Variants in ABCC1 observed in about 807,000 individuals in gnomAD.
The protein encoded by ABCC1 is ATP binding cassette subfamily C member 1 (ABCC1 blood group).
A neutral mutation model predicts 172.9 loss-of-function variants in ABCC1; 83 were observed. The observed-to-expected ratio is 0.48, with a 90% confidence interval of 0.40 to 0.58. The LOEUF (loss-of-function observed/expected upper bound fraction) is 0.58. ABCC1 is among the 20% of genes least tolerant of loss of function. The probability of loss-of-function intolerance (pLI) is 0.00; values close to 1 mark genes in which losing one functional copy is unlikely to be tolerated. For missense variants in ABCC1, 1,817 were observed against 2,002.7 expected (o/e 0.91, Z 1.77); for synonymous variants, 937 against 825.2 (o/e 1.14, Z -2.32).
chr16:15,989,424 T>C (rs1279701959), intron 1 of ABCC1, among the ~76,000 whole-genome samples: 1 of 152,158 alleles, frequency 6.6e-6, no homozygotes, highest in African/African-American at 2.4e-5. Flanking sequence ...TCCAGATGTT[T>C]TCAGGAGTGC....
At chr16:16,038,553 C>G (rs994729737) in intron 7 of ABCC1, among the ~76,000 whole-genome samples, 2 of 152,104 alleles carry the variant, frequency 1.3e-5, no homozygotes, top group East Asian at 3.9e-4. Context: ...GCGGTGCCAC[C>G]CACATGGGGC....
chr16:15,987,908 C>G (rs575146092), intron 1 of ABCC1, among the ~76,000 whole-genome samples: 1 of 152,208 alleles, frequency 6.6e-6, no homozygotes, highest in South Asian at 2.1e-4. Context: ...TGTGCCCTTC[C>G]TCCAGATGGC....
chr16:16,136,342 A>G, intron 28 of ABCC1, 136 bp from the exon 29 acceptor site: 1 of 984,532 alleles, frequency 1.0e-6, no homozygotes, highest in Non-Finnish European at 1.5e-6. Flanking sequence ...CATTATTAAC[A>G]TCTCCAGAAA....
At chr16:16,110,952 G>A (rs181094377) in intron 21 of ABCC1, among the ~76,000 whole-genome samples, 90 of 152,290 alleles carry the variant, frequency 5.9e-4, no homozygotes, top group Middle Eastern at 6.8e-3. Flanking sequence ...CCAGGCTGGA[G>A]TGCAGTGGGG....
At chr16:15,958,442 C>G (rs184559822) in intron 1 of ABCC1, among the ~76,000 whole-genome samples, 22 of 152,226 alleles carry the variant, frequency 1.4e-4, no homozygotes, top group Admixed American at 3.9e-4. Flanking sequence ...TTCCTCACAC[C>G]TGGTCTGCTT....
rs907741900 is a variant in ABCC1 at position 16,102,644 on chromosome 16, G to A, written c.2662G>A (p.Gly888Ser). 17 of 1,585,728 alleles carry A rather than the reference G, an allele frequency of 1.1e-5. No individual in the cohort carries two copies. The highest frequency in any genetic ancestry group is 6.9e-5 in the East Asian group (3 of 43,754). The change falls in exon 20 of 31, where the codon GGT (glycine) becomes AGT (serine). Residue 888 changes from glycine (G) to serine (S), a missense_variant. Physicochemically the swap from Gly to Ser is moderately conservative, Grantham distance 56. Coordinates refer to ENST00000399410, the MANE Select transcript of ABCC1 (RefSeq NM_004996.4). ...AEENGVTGVSGPGKEAKQMEN... is the reference protein window; with the variant it reads ...AEENGVTGVSSPGKEAKQMEN... ...TCTGCCAGGGGTCACGGGCGTCAGC[G>A]GTCCAGGGAAGGAAGCAAAGCAAAT...
chr16:16,063,826 A>C (rs758976707), intron 12 of ABCC1, among the ~76,000 whole-genome samples: 3 of 152,088 alleles, frequency 2.0e-5, no homozygotes, highest in Non-Finnish European at 4.4e-5. Context: ...CTTTTCCCCT[A>C]ATATTTCCTG....
chr16:16,041,880 T>G (rs966293718), intron 7 of ABCC1, among the ~76,000 whole-genome samples: 3 of 152,116 alleles, frequency 2.0e-5, no homozygotes, highest in Non-Finnish European at 4.4e-5. Context: ...GAGGCTCACC[T>G]GAGTTCATGA....
chr16:15,994,602 T>C (rs1408632762), intron 1 of ABCC1, among the ~76,000 whole-genome samples: 3 of 152,148 alleles, frequency 2.0e-5, no homozygotes, highest in Non-Finnish European at 4.4e-5. Flanking sequence ...TATTTATTTA[T>C]TTGAAGTGCG....
chr16:16,061,834 C>T (rs1449688662), intron 12 of ABCC1, among the ~76,000 whole-genome samples: 2 of 135,408 alleles, frequency 1.5e-5, no homozygotes, highest in South Asian at 2.3e-4. Flanking sequence ...AGTGCAGTGA[C>T]ATGATCTTGG....
At chr16:15,951,928 G>A (rs1211289113) in intron 1 of ABCC1, among the ~76,000 whole-genome samples, 6 of 152,196 alleles carry the variant, frequency 3.9e-5, no homozygotes, top group Non-Finnish European at 7.3e-5. Context: ...GGGCTCAAGC[G>A]ATCCTCCTGC....
chr16:15,984,584 A>G (rs1445710610), intron 1 of ABCC1, among the ~76,000 whole-genome samples: 1 of 151,798 alleles, frequency 6.6e-6, no homozygotes, highest in East Asian at 1.9e-4. Flanking sequence ...CTGAGATTAC[A>G]GGTGTGTGCG....
intron 1 of ABCC1, among the ~76,000 whole-genome samples, chr16:15,963,709 C>T (rs2046186896): frequency 6.6e-6 from 1 of 152,158 alleles, no homozygotes; most frequent in Admixed American, 6.5e-5. Flanking sequence ...GGCTGGGCAC[C>T]AAGTCCTAAG....
At chr16:16,120,206 G>A (rs1596534176) in intron 23 of ABCC1, among the ~76,000 whole-genome samples, 1 of 151,698 alleles carries the variant, frequency 6.6e-6, no homozygotes, top group African/African-American at 2.4e-5. Flanking sequence ...CTGGCCCAGG[G>A]CAGGATGCAG....
chr16:16,024,615 A>G (rs1206552113), intron 5 of ABCC1, among the ~76,000 whole-genome samples: 1 of 152,104 alleles, frequency 6.6e-6, no homozygotes, highest in African/African-American at 2.4e-5. Context: ...GCCTCCCAAA[A>G]TGCTAGGATT....
intron 13 of ABCC1, among the ~76,000 whole-genome samples, chr16:16,069,166 AT>A (rs1451771171): frequency 3.5e-4 from 45 of 128,394 alleles, no homozygotes; most frequent in African/African-American, 9.8e-4. Context: ...ATAAAATAAA[AT>A]AAAAATAAAT....
At chr16:15,994,980 AAT>A (rs2047007878) in intron 1 of ABCC1, among the ~76,000 whole-genome samples, 1 of 151,496 alleles carries the variant, frequency 6.6e-6, no homozygotes, top group Non-Finnish European at 1.5e-5. Context: ...AAAATGCAAA[AAT>A]TAGCCAGGCG....
At chr16:16,109,314 C>A (rs2052284635) in intron 21 of ABCC1, among the ~76,000 whole-genome samples, 1 of 151,996 alleles carries the variant, frequency 6.6e-6, no homozygotes, top group Admixed American at 6.6e-5. Flanking sequence ...GTAGCTGGGA[C>A]TATAGGTGTG....
rs2051031874 is a variant in ABCC1, at chr16:16,086,922, A to G, written c.2391A>G (p.Ala797=). 1 of 1,614,250 alleles carries G rather than the reference A, an allele frequency of 6.2e-7. No homozygotes were observed. Among genetic ancestry groups the G allele is most frequent in the Non-Finnish European group, 8.5e-7 (1 of 1,180,052 alleles). The change falls in exon 18 of 31, where the codon GCA becomes GCG. Residue 797 remains alanine, a synonymous_variant. Coordinates refer to ENST00000399410, the MANE Select transcript of ABCC1 (RefSeq NM_004996.4). ...ACCTCTTCGATGATCCCCTCTCAGC[A>G]GTGGATGCCCATGTGGGAAAACACA... ...DIYLFDDPLS[A]VDAHVGKHIF...
Sources: gnomAD v4.1 joint callset for allele counts (sites outside exome capture counted in the v4.1 genomes callset) on GRCh38, gnomAD v4.1.1 for gene constraint, MANE v1.5 for transcripts, NCBI Gene and HGNC (gene_info 2026-07-23, HGNC 2026-07-21) for gene names.